The following NEXMIF variants were observed in gnomAD, a reference collection of about 807,000 sequenced individuals.
The protein encoded by NEXMIF is neurite extension and migration factor.
NEXMIF carries 8 observed loss-of-function variants against 62.1 expected under a neutral mutation model. The observed-to-expected ratio is 0.13, with a 90% CI of 0.08 to 0.23. The LOEUF (loss-of-function observed/expected upper bound fraction) is 0.23. Among genes scored for constraint, NEXMIF ranks in the 10% least tolerant of loss-of-function variants. NEXMIF has a pLI of 1.00. For synonymous variants in NEXMIF, 404 were observed against 416.6 expected (o/e 0.97, Z 0.37); for missense variants, 976 against 1,113.3 (o/e 0.88, Z 1.75).
chrX:74,879,550 A>T (rs963981447), intron 1 of NEXMIF, among the ~76,000 whole-genome samples: 7 of 112,404 alleles, frequency 6.2e-5, no homozygotes, highest in African/African-American at 2.3e-4. Flanking sequence ...AGGCTGTGGT[A>T]TTTAATATAC....
intron 1 of NEXMIF, among the ~76,000 whole-genome samples, chrX:74,868,145 G>A (rs2080586927): frequency 8.9e-6 from 1 of 112,077 alleles, no homozygotes. Context: ...GTGAGGCTGT[G>A]CAGAAATAGG....
At chrX:74,765,166 A>T (rs920433962) in intron 1 of NEXMIF, among the ~76,000 whole-genome samples, 1 of 111,444 alleles carries the variant, frequency 9.0e-6, no homozygotes, top group African/African-American at 3.3e-5. Context: ...TAAACTTTGT[A>T]CCATTATGTA....
intron 1 of NEXMIF, among the ~76,000 whole-genome samples, chrX:74,857,948 G>A (rs969437087): frequency 8.9e-6 from 1 of 112,023 alleles, no homozygotes; most frequent in African/African-American, 3.2e-5. Context: ...TAGAGTGGAA[G>A]AGTGGGAAGA....
chrX:74,785,204 G>T (rs1338925323), intron 1 of NEXMIF, among the ~76,000 whole-genome samples: 2 of 111,246 alleles, frequency 1.8e-5, no homozygotes, highest in African/African-American at 6.5e-5. Flanking sequence ...TGAACCTGGG[G>T]ATAGTATTGG....
At chrX:74,844,709 T>A (rs1402609244) in intron 1 of NEXMIF, among the ~76,000 whole-genome samples, 1 of 112,077 alleles carries the variant, frequency 8.9e-6, no homozygotes, top group Non-Finnish European at 1.9e-5. Flanking sequence ...CTTTTGGCTT[T>A]AACTGTACCA....
chrX:74,782,095 C>T (rs1449617602), intron 1 of NEXMIF, among the ~76,000 whole-genome samples: 2 of 111,087 alleles, frequency 1.8e-5, no homozygotes, highest in East Asian at 5.7e-4. Context: ...ACAGTGTTTC[C>T]CAGAGGATAA....
intron 1 of NEXMIF, among the ~76,000 whole-genome samples, chrX:74,879,422 A>G (rs2147510690): frequency 8.9e-6 from 1 of 112,482 alleles, no homozygotes; most frequent in South Asian, 3.7e-4. Context: ...ATCTGGAATT[A>G]TTTTATTTAT....
At chrX:74,784,681 C>A (rs776404734) in intron 1 of NEXMIF, among the ~76,000 whole-genome samples, 3 of 110,447 alleles carry the variant, frequency 2.7e-5, no homozygotes, top group Non-Finnish European at 3.8e-5. Flanking sequence ...GTTAACCCAG[C>A]AGTCTTGAGT....
At chrX:74,788,439 C>A (rs2080267434) in intron 1 of NEXMIF, among the ~76,000 whole-genome samples, 1 of 111,335 alleles carries the variant, frequency 9.0e-6, no homozygotes, top group South Asian at 3.8e-4. Flanking sequence ...TGATCTCTGA[C>A]AACAGCCCTG....
intron 1 of NEXMIF, among the ~76,000 whole-genome samples, chrX:74,784,710 T>C (rs1253059623): frequency 9.0e-6 from 1 of 110,778 alleles, no homozygotes; most frequent in African/African-American, 3.3e-5. Context: ...TCGTATACAT[T>C]TTTAGAAGGG....
At chrX:74,840,098 A>G (rs1303769760) in intron 1 of NEXMIF, among the ~76,000 whole-genome samples, 1 of 111,936 alleles carries the variant, frequency 8.9e-6, no homozygotes, top group Non-Finnish European at 1.9e-5. Flanking sequence ...CTTTTTAATA[A>G]TAGCCATTCT....
intron 1 of NEXMIF, among the ~76,000 whole-genome samples, chrX:74,750,777 A>C (rs1057466641): frequency 1.3e-4 from 14 of 111,906 alleles, no homozygotes; most frequent in African/African-American, 4.2e-4. Context: ...TGTTAAGTAC[A>C]GGAAACATGC....
chrX:74,761,648 CTT>C (rs1344447283), intron 1 of NEXMIF, among the ~76,000 whole-genome samples: 2 of 110,551 alleles, frequency 1.8e-5, no homozygotes, highest in Non-Finnish European at 3.8e-5. Context: ...GCTTATCTAT[CTT>C]AATATTTTTT....
chrX:74,886,088 A>C (rs1397298717), intron 1 of NEXMIF, among the ~76,000 whole-genome samples: 1 of 112,181 alleles, frequency 8.9e-6, no homozygotes, highest in African/African-American at 3.2e-5. Context: ...GCCTTTGACA[A>C]AATTCAACAG....
At chrX:74,837,175 G>A (rs2080459874) in intron 1 of NEXMIF, among the ~76,000 whole-genome samples, 1 of 111,600 alleles carries the variant, frequency 9.0e-6, no homozygotes, top group African/African-American at 3.3e-5. Context: ...TGGGGGATAG[G>A]GGAGGGGTGG....
chrX:74,876,296 C>A (rs910300955), intron 1 of NEXMIF, among the ~76,000 whole-genome samples: 1 of 111,222 alleles, frequency 9.0e-6, no homozygotes, highest in Admixed American at 9.5e-5. Flanking sequence ...TGTAGTTGAG[C>A]GGTTTTGAGT....
intron 1 of NEXMIF, among the ~76,000 whole-genome samples, chrX:74,828,563 C>T (rs1274416105): frequency 8.9e-6 from 1 of 112,090 alleles, no homozygotes; most frequent in Non-Finnish European, 1.9e-5. Context: ...CAGTCCCTTG[C>T]TTCTTGGCAT....
chrX:74,870,423 G>A (rs2080596237), intron 1 of NEXMIF, among the ~76,000 whole-genome samples: 2 of 111,529 alleles, frequency 1.8e-5, no homozygotes, highest in Non-Finnish European at 3.8e-5. Flanking sequence ...GATTTCTAGA[G>A]TAATACCCCA....
At chrX:74,796,190 T>TTATATATATACATATATATTA (rs1261098095) in intron 1 of NEXMIF, among the ~76,000 whole-genome samples, 1 of 56,687 alleles carries the variant, frequency 1.8e-5, no homozygotes, top group East Asian at 4.1e-4. Context: ...TACATATATA[T>TTATATATATACATATATATTA]TATATATATA....
Sources: allele counts gnomAD v4.1 joint callset (sites outside exome capture counted in the v4.1 genomes callset), GRCh38; gene constraint gnomAD v4.1.1; transcripts MANE v1.5; gene names NCBI Gene and HGNC (gene_info 2026-07-23, HGNC 2026-07-21).